The following EEFSEC variants were observed in gnomAD, a reference collection of about 807,000 sequenced individuals.
EEFSEC encodes eukaryotic elongation factor, selenocysteine-tRNA specific.
A neutral mutation model predicts 42.1 loss-of-function variants in EEFSEC; 43 were observed. The ratio of observed to expected loss-of-function variants is 1.02; its 90% confidence interval spans 0.80 to 1.32. The LOEUF is 1.32. Among genes scored for constraint, EEFSEC ranks in the 40% most tolerant of loss-of-function variants. The pLI is 0.00. For missense variants in EEFSEC, 745 were observed against 803.6 expected (o/e 0.93, Z 0.88); for synonymous variants, 354 against 339.1 (o/e 1.04, Z -0.48).
intron 1 of EEFSEC, among the ~76,000 whole-genome samples, chr3:128,197,049 C>G (rs2065592508): frequency 6.6e-6 from 1 of 152,112 alleles, no homozygotes; most frequent in Non-Finnish European, 1.5e-5. Flanking sequence ...TGCATTTTTC[C>G]TCTTTGTTCT....
intron 6 of EEFSEC, among the ~76,000 whole-genome samples, chr3:128,361,164 C>G (rs2067521997): frequency 6.6e-6 from 1 of 152,090 alleles, no homozygotes; most frequent in South Asian, 2.1e-4. Context: ...ACAGGGCATC[C>G]GGGCTGGGAA....
chr3:128,306,038 G>A (rs977918810), intron 4 of EEFSEC, among the ~76,000 whole-genome samples: 4 of 151,960 alleles, frequency 2.6e-5, no homozygotes, highest in South Asian at 2.1e-4. Context: ...TGAGAAAATC[G>A]TCTCATTTCC....
chr3:128,156,996 C>T (rs1317980486), intron 1 of EEFSEC, among the ~76,000 whole-genome samples: 1 of 152,214 alleles, frequency 6.6e-6, no homozygotes, highest in Non-Finnish European at 1.5e-5. Flanking sequence ...TTACACCACA[C>T]CAAACAGCAA....
At chr3:128,201,338 G>GATGGGAAGT (rs1050062833) in intron 1 of EEFSEC, among the ~76,000 whole-genome samples, 3 of 151,806 alleles carry the variant, frequency 2.0e-5, no homozygotes, top group Non-Finnish European at 4.4e-5. Flanking sequence ...AGAGATAGGA[G>GATGGGAAGT]ATGGGAAGTG....
At chr3:128,168,595 T>C (rs929897197) in intron 1 of EEFSEC, among the ~76,000 whole-genome samples, 1 of 152,228 alleles carries the variant, frequency 6.6e-6, no homozygotes, top group African/African-American at 2.4e-5. Context: ...CTCCATCAGC[T>C]AGCCAGTTTC....
intron 4 of EEFSEC, among the ~76,000 whole-genome samples, chr3:128,327,768 T>C (rs2067081349): frequency 6.6e-6 from 1 of 151,896 alleles, no homozygotes; most frequent in Non-Finnish European, 1.5e-5. Context: ...CCCTGGCAGG[T>C]TTCATTGAGG....
chr3:128,240,115 G>A (rs2107885073), intron 1 of EEFSEC, among the ~76,000 whole-genome samples: 1 of 152,352 alleles, frequency 6.6e-6, no homozygotes, highest in Admixed American at 6.5e-5. Flanking sequence ...GCAGGGCCTG[G>A]TCGTGACCGC....
chr3:128,383,543 C>T (rs898904995), intron 6 of EEFSEC, among the ~76,000 whole-genome samples: 7 of 152,192 alleles, frequency 4.6e-5, no homozygotes, highest in African/African-American at 1.4e-4. Context: ...AGCTGATCTG[C>T]GCCTGGACTA....
intron 1 of EEFSEC, among the ~76,000 whole-genome samples, chr3:128,208,798 C>T (rs1047496595): frequency 1.3e-5 from 2 of 152,186 alleles, no homozygotes; most frequent in African/African-American, 4.8e-5. Context: ...TGCGACAATT[C>T]AGGGGTCACT....
At chr3:128,351,556 C>T (rs994443249) in intron 5 of EEFSEC, among the ~76,000 whole-genome samples, 7 of 152,218 alleles carry the variant, frequency 4.6e-5, no homozygotes. Context: ...TTTCATGGCA[C>T]GTTTGCCTGC....
Position 128,183,349 on chromosome 3 carries a change from C to A in EEFSEC, c.316+29526C>A, listed in dbSNP as rs548584895. ...AAAAATGTTAGTAAACATTTGACCC[C>A]AACCTGTTGGGCTCCCAAGCCCATG... On this transcript the variant is annotated intron_variant, in intron 1 of 6. Coordinates refer to ENST00000254730, the MANE Select transcript of EEFSEC (RefSeq NM_021937.5). Among the ~76,000 whole-genome samples, 3 of 152,256 alleles carry A rather than the reference C, an allele frequency of 2.0e-5. No individual in the cohort carries two copies. The South Asian group carries it at 6.2e-4, about 32-fold the overall frequency.
At chr3:128,355,927 T>C (rs2107585686) in intron 5 of EEFSEC, among the ~76,000 whole-genome samples, 1 of 152,300 alleles carries the variant, frequency 6.6e-6, no homozygotes, top group East Asian at 1.9e-4. Flanking sequence ...GAGGGAGCCA[T>C]GGGCCACAGG....
chr3:128,154,148 C>G (rs193153875), intron 1 of EEFSEC, among the ~76,000 whole-genome samples: 1 of 151,168 alleles, frequency 6.6e-6, no homozygotes, highest in Non-Finnish European at 1.5e-5. Context: ...TAAGAAAACT[C>G]ACAAGCTACA....
chr3:128,212,270 T>C (rs112753312), intron 1 of EEFSEC, among the ~76,000 whole-genome samples: 130 of 152,320 alleles, frequency 8.5e-4, no homozygotes, highest in African/African-American at 3.0e-3. Flanking sequence ...GCTGGGGAGC[T>C]GCCCCAGCTC....
intron 1 of EEFSEC, among the ~76,000 whole-genome samples, chr3:128,158,734 T>A (rs1275514577): frequency 6.6e-6 from 1 of 152,220 alleles, no homozygotes; most frequent in Non-Finnish European, 1.5e-5. Flanking sequence ...AACCAAAAAA[T>A]TTGACTTGCT....
At chr3:128,335,422 A>T (rs959787137) in intron 4 of EEFSEC, among the ~76,000 whole-genome samples, 2 of 152,112 alleles carry the variant, frequency 1.3e-5, no homozygotes, top group African/African-American at 4.8e-5. Context: ...TATGGGAAGG[A>T]AGTGAGGAAG....
intron 4 of EEFSEC, among the ~76,000 whole-genome samples, chr3:128,312,447 C>G (rs746891547): frequency 1.1e-4 from 17 of 152,232 alleles, no homozygotes; most frequent in Non-Finnish European, 1.9e-4. Flanking sequence ...GATCCCACCG[C>G]CTTTGTGTCA....
Position 128,317,776 on chromosome 3 carries a change from C to T in EEFSEC, c.787-23457C>T, listed in dbSNP as rs753854222. Among the ~76,000 whole-genome samples the T allele has an allele frequency of 2.0e-5, 3 of 152,260 alleles. No individual in the cohort carries two copies. The highest frequency in any genetic ancestry group is 4.4e-5 in the Non-Finnish European group (3 of 68,042). The stretch of plus-strand genomic sequence containing the variant: ...CTGACCAGTTGGGCCCTCTGCAGGC[C>T]TCAGGGCCTTTGCCCCCTTCAGCCT... On this transcript the variant is annotated intron_variant, in intron 4 of 6. Coordinates refer to ENST00000254730, the MANE Select transcript of EEFSEC (RefSeq NM_021937.5). This position sits in a 1 kb window ranked among gnomAD's most constrained non-coding sequence, Gnocchi z 4.1.
chr3:128,336,026 A>C (rs1448035526), intron 4 of EEFSEC, among the ~76,000 whole-genome samples: 2 of 152,090 alleles, frequency 1.3e-5, no homozygotes, highest in African/African-American at 2.4e-5. Flanking sequence ...AGTTGGGTGT[A>C]AGTCTGTATG....
Sources: gnomAD v4.1 joint callset for allele counts (sites outside exome capture counted in the v4.1 genomes callset) on GRCh38, gnomAD v4.1.1 for gene constraint, Gnocchi (gnomAD v3.1) non-coding constraint, MANE v1.5 for transcripts, NCBI Gene and HGNC (gene_info 2026-07-23, HGNC 2026-07-21) for gene names.